Variants in PTPRQ observed in about 807,000 individuals in gnomAD.
PTPRQ encodes protein tyrosine phosphatase receptor type Q.
A neutral mutation model predicts 246.0 loss-of-function variants in PTPRQ; 199 were observed. The ratio of observed to expected loss-of-function variants is 0.81; its 90% CI spans 0.72 to 0.91. The LOEUF (loss-of-function observed/expected upper bound fraction) is 0.91, where lower values mean the gene tolerates loss of function less well. Ranked by LOEUF, PTPRQ falls within the 40% of genes least tolerant of loss-of-function variation. The probability of loss-of-function intolerance (pLI) is 0.00; values close to 1 mark genes in which losing one functional copy is unlikely to be tolerated. For synonymous variants in PTPRQ, 869 were observed against 853.2 expected (o/e 1.02, Z -0.32); for missense variants, 2,624 against 2,528.4 (o/e 1.04, Z -0.81).
At chr12:80,533,994 A>G (rs1895915295) in intron 17 of PTPRQ, 21 bp from the exon 18 acceptor site, 3 of 1,446,388 alleles carry the variant, frequency 2.1e-6, no homozygotes, top group Non-Finnish European at 2.7e-6. Flanking sequence ...AATTCTACAG[A>G]TAATATTCTT....
chr12:80,471,168 G>A (rs1207814281), intron 7 of PTPRQ, among the ~76,000 whole-genome samples: 1 of 152,030 alleles, frequency 6.6e-6, no homozygotes, highest in Non-Finnish European at 1.5e-5. Context: ...AGGAGGGAGA[G>A]AGAATAGTAA....
At chr12:80,626,379 T>C (rs10862175) in intron 33 of PTPRQ, among the ~76,000 whole-genome samples, 52,570 of 151,960 alleles carry the variant, frequency 0.35, 9,645 homozygotes, top group African/African-American at 0.46. Context: ...ATACTAATAC[T>C]CATTTTAGAA....
At chr12:80,505,968 A>G (rs1449493368) in intron 14 of PTPRQ, 56 bp from the exon 15 acceptor site, 1 of 1,500,680 alleles carries the variant, frequency 6.7e-7, no homozygotes, top group Non-Finnish European at 8.9e-7. Context: ...CAATTTCAGC[A>G]GAATAGATTT....
intron 28 of PTPRQ, among the ~76,000 whole-genome samples, chr12:80,611,896 G>T (rs1218568221): frequency 6.7e-6 from 1 of 150,314 alleles, no homozygotes; most frequent in East Asian, 1.9e-4. Flanking sequence ...CTTTATTTTA[G>T]CTTTGCATTT....
At chr12:80,563,910 T>A (rs1896903792) in intron 25 of PTPRQ, among the ~76,000 whole-genome samples, 1 of 152,140 alleles carries the variant, frequency 6.6e-6, no homozygotes, top group Non-Finnish European at 1.5e-5. Context: ...CTAGGCTCTG[T>A]ATTCAACATT....
intron 8 of PTPRQ, among the ~76,000 whole-genome samples, chr12:80,478,869 G>A (rs1200055566): frequency 1.6e-4 from 24 of 152,194 alleles, no homozygotes; most frequent in Admixed American, 1.1e-3. Context: ...AGAAATATGG[G>A]ACTATGTGAA....
chr12:80,597,311 G>C (rs1412998970), intron 26 of PTPRQ, among the ~76,000 whole-genome samples: 1 of 151,960 alleles, frequency 6.6e-6, no homozygotes, highest in African/African-American at 2.4e-5. Context: ...GGCCTTACCT[G>C]AATTATTCCA....
At chr12:80,573,836 C>T (rs1425620850) in intron 25 of PTPRQ, among the ~76,000 whole-genome samples, 1 of 152,046 alleles carries the variant, frequency 6.6e-6, no homozygotes, top group African/African-American at 2.4e-5. Context: ...TTTGTGCTTT[C>T]CATTACATCG....
chr12:80,465,878 G>A (rs1266225089), intron 6 of PTPRQ, among the ~76,000 whole-genome samples: 1 of 152,118 alleles, frequency 6.6e-6, no homozygotes, highest in Admixed American at 6.6e-5. Flanking sequence ...AGCTATCTAT[G>A]ACAAACCCAC....
intron 42 of PTPRQ, among the ~76,000 whole-genome samples, chr12:80,671,797 A>G (rs900356702): frequency 7.2e-5 from 11 of 152,196 alleles, no homozygotes; most frequent in African/African-American, 2.6e-4. Flanking sequence ...TGTTTGAGCC[A>G]GAAGCCCTGG....
chr12:80,517,236 A>T (rs1592604659), intron 17 of PTPRQ, among the ~76,000 whole-genome samples: 1 of 152,240 alleles, frequency 6.6e-6, no homozygotes, highest in East Asian at 1.9e-4. Context: ...TAAAAATCAG[A>T]ACACTTTTGC....
At chr12:80,606,967 A>T (rs1213496657) in intron 27 of PTPRQ, among the ~76,000 whole-genome samples, 1 of 151,038 alleles carries the variant, frequency 6.6e-6, no homozygotes, top group East Asian at 1.9e-4. Flanking sequence ...GCTTAAAGGA[A>T]CAAAAAAAAT....
rs1035171411 is a variant in PTPRQ at position 80,613,852 on chromosome 12, T to G, written c.5163+16T>G. ...CAATATCAGTGTAAGAATCCGTAGC[T>G]TCAGTTAATTACCCAAATGACAATG... On this transcript the variant is annotated intron_variant, in intron 29 of 44. Coordinates refer to ENST00000644991, the MANE Select transcript of PTPRQ (RefSeq NM_001145026.2). The G allele has an allele frequency of 9.5e-6, 14 of 1,476,846 alleles. No individual in the cohort carries two copies. The Admixed American group carries it at 3.5e-4, about 37-fold the overall frequency. 91.5% of individuals were successfully genotyped at this position (1,476,846 alleles called of 1,614,324 possible).
In PTPRQ at chr12:80,445,010, A is replaced by G. The variant is rs56711652; in HGVS notation, c.163+161A>G. Among the ~76,000 whole-genome samples the G allele has an allele frequency of 0.15, 22,628 of 151,872 alleles. 3,051 individuals carry two copies. The highest frequency in any genetic ancestry group is 0.36 in the African/African-American group (15,016 of 41,436). ...AGAAAGTGATCTGCTTAGAACCTGCATTCTGCTGTTTCTTCAGCTTCCTTT... is the reference window on the plus strand; with the variant it reads ...AGAAAGTGATCTGCTTAGAACCTGCGTTCTGCTGTTTCTTCAGCTTCCTTT... On this transcript the variant is annotated intron_variant, in intron 2 of 44. Transcript: ENST00000644991.
At chr12:80,506,754 T>C in intron 16 of PTPRQ, 84 bp downstream of exon 16, 2 of 1,246,012 alleles carry the variant, frequency 1.6e-6, no homozygotes, top group South Asian at 3.0e-5. Context: ...ATGTAAAAAC[T>C]CCTCTAGTCA....
chr12:80,526,237 G>A (rs1895682391), intron 17 of PTPRQ, among the ~76,000 whole-genome samples: 1 of 152,148 alleles, frequency 6.6e-6, no homozygotes, highest in East Asian at 1.9e-4. Context: ...AGAAGCAGGT[G>A]TTTACAGAAA....
intron 20 of PTPRQ, among the ~76,000 whole-genome samples, chr12:80,540,453 A>G (rs751004168): frequency 3.9e-5 from 6 of 152,070 alleles, no homozygotes; most frequent in Admixed American, 2.0e-4. Flanking sequence ...GAAAACTATA[A>G]TGATTGAAGA....
chr12:80,633,116 A>G (rs1480482970), intron 34 of PTPRQ, among the ~76,000 whole-genome samples: 1 of 152,180 alleles, frequency 6.6e-6, no homozygotes, highest in Non-Finnish European at 1.5e-5. Flanking sequence ...TCCAATATCA[A>G]AGAGCACAGC....
chr12:80,517,039 T>G (rs539326166), intron 17 of PTPRQ, among the ~76,000 whole-genome samples: 69 of 152,298 alleles, frequency 4.5e-4, no homozygotes, highest in African/African-American at 1.5e-3. Context: ...ATGACCAATG[T>G]TCTGACCAAT....
Sources: gnomAD v4.1 joint callset for allele counts (sites outside exome capture counted in the v4.1 genomes callset) on GRCh38, gnomAD v4.1.1 for gene constraint, MANE v1.5 for transcripts, NCBI Gene and HGNC (gene_info 2026-07-23, HGNC 2026-07-21) for gene names.